EPHA4: variants seen among roughly 807,000 people sequenced by gnomAD.
The protein encoded by EPHA4 is ephrin type-A receptor 4.
EPHA4 carries 19 observed loss-of-function variants against 108.3 expected under a neutral mutation model. The observed-to-expected ratio is 0.18, with a 90% CI of 0.12 to 0.26. The LOEUF is 0.26. Ranked by LOEUF, EPHA4 falls within the 10% of genes least tolerant of loss-of-function variation. The pLI is 1.00. For synonymous variants in EPHA4, 449 were observed against 455.5 expected (o/e 0.99, Z 0.18); for missense variants, 917 against 1,254.0 (o/e 0.73, Z 4.06).
chr2:221,462,641 T>A (rs1691184021), intron 5 of EPHA4, among the ~76,000 whole-genome samples: 2 of 152,190 alleles, frequency 1.3e-5, no homozygotes, highest in Admixed American at 1.3e-4. Flanking sequence ...AAGGACCTTT[T>A]GTGGGGTTGG....
At chr2:221,510,666 T>G (rs571941737) in intron 3 of EPHA4, among the ~76,000 whole-genome samples, 1 of 152,200 alleles carries the variant, frequency 6.6e-6, no homozygotes, top group South Asian at 2.1e-4. Context: ...AGAAGAAACT[T>G]TACATAAAGC....
chr2:221,528,532 A>G (rs765211770), intron 3 of EPHA4, among the ~76,000 whole-genome samples: 16 of 152,182 alleles, frequency 1.1e-4, no homozygotes, highest in Non-Finnish European at 2.2e-4. Flanking sequence ...TCATTATAAT[A>G]TTATTATCTG....
intron 12 of EPHA4, 116 bp from the exon 13 acceptor site, chr2:221,436,724 A>G: frequency 9.2e-7 from 1 of 1,085,320 alleles, no homozygotes; most frequent in Non-Finnish European, 1.4e-6. Flanking sequence ...AATGAAACTC[A>G]ACATTATTTC....
At chr2:221,490,536 T>C (rs992534734) in intron 4 of EPHA4, among the ~76,000 whole-genome samples, 1 of 152,192 alleles carries the variant, frequency 6.6e-6, no homozygotes, top group African/African-American at 2.4e-5. Flanking sequence ...GTCACCTCAC[T>C]AAAATGCTAA....
chr2:221,426,126 C>A lies in EPHA4; in HGVS notation c.2863G>T (p.Gly955Cys). 4 of 1,613,982 alleles carry A rather than the reference C, an allele frequency of 2.5e-6. No homozygotes were observed. The highest frequency in any genetic ancestry group is 1.7e-6 in the Non-Finnish European group (2 of 1,179,948). ...TTCTGGTGCGTGATGGCTGTGATAC[C>A]AATTCTTGCCAGGTCCCTGTACATA... ...HVNQEDLARI[G>C]ITAITHQNKI... Residue 955 changes from glycine to cysteine, a missense_variant, in exon 17 of 18, where the codon GGT (glycine) becomes TGT (cysteine). Coordinates refer to ENST00000281821, the MANE Select transcript of EPHA4 (RefSeq NM_004438.5).
chr2:221,490,284 A>G (rs1475569380), intron 4 of EPHA4, among the ~76,000 whole-genome samples: 1 of 152,012 alleles, frequency 6.6e-6, no homozygotes, highest in Non-Finnish European at 1.5e-5. Context: ...AAAGAAAGAA[A>G]GAAAATCAAG....
chr2:221,499,794 G>A (rs1245066987), intron 4 of EPHA4, among the ~76,000 whole-genome samples: 3 of 86,214 alleles, frequency 3.5e-5, no homozygotes, highest in African/African-American at 8.7e-5. Flanking sequence ...TTTTGCTATT[G>A]TCACCCAGGC....
chr2:221,546,778 T>G (rs1335648051), intron 3 of EPHA4, among the ~76,000 whole-genome samples: 1 of 152,190 alleles, frequency 6.6e-6, no homozygotes, highest in Non-Finnish European at 1.5e-5. Context: ...TATAAAGAAA[T>G]CTTTTGGAAA....
intron 1 of EPHA4, chr2:221,569,343 A>G (rs1037112033): frequency 6.6e-6 from 1 of 152,190 alleles, no homozygotes; most frequent in Non-Finnish European, 1.5e-5. Flanking sequence ...TTTAAATATC[A>G]AAGTTTCAGA....
chr2:221,561,500 A>T (rs1380885789), intron 3 of EPHA4, among the ~76,000 whole-genome samples: 1 of 152,212 alleles, frequency 6.6e-6, no homozygotes, highest in African/African-American at 2.4e-5. Context: ...GAAGTTTCTC[A>T]AAAACGACTC....
chr2:221,564,284 G>A lies in EPHA4; in HGVS notation c.270C>T (p.Thr90=). The stretch of plus-strand genomic sequence containing the variant: ...TATACACCCTCTGAGCCCCTTCTCG[G>A]GTGATCCAATCAGTTCGTAGCCAGT... ...QNNWLRTDWI[T]REGAQRVYIE... The change falls in exon 3 of 18, where the codon ACC becomes ACT. Residue 90 remains threonine, a synonymous_variant. Transcript: ENST00000281821. The A allele has an allele frequency of 6.2e-7, 1 of 1,614,092 alleles. No individual in the cohort carries two copies. Among genetic ancestry groups the A allele is most frequent in the Non-Finnish European group, 8.5e-7 (1 of 1,180,032 alleles).
chr2:221,568,111 C>T (rs1694724186), intron 2 of EPHA4, among the ~76,000 whole-genome samples: 1 of 152,122 alleles, frequency 6.6e-6, no homozygotes, highest in Non-Finnish European at 1.5e-5. Flanking sequence ...CTACTCAATC[C>T]CCAAAGATTC....
chr2:221,513,716 A>G (rs1333639144), intron 3 of EPHA4, among the ~76,000 whole-genome samples: 2 of 152,212 alleles, frequency 1.3e-5, no homozygotes, highest in Admixed American at 1.3e-4. Context: ...AAAGTGTTTT[A>G]TATTTAACAG....
At position 221,572,254 on chromosome 2, in the gene EPHA4, G is replaced by T. The variant is rs1694865854; in HGVS notation, c.-6C>A. 1 of 1,612,824 alleles carries T rather than the reference G, an allele frequency of 6.2e-7. No individual in the cohort carries two copies. Among genetic ancestry groups the T allele is most frequent in the Non-Finnish European group, 8.5e-7 (1 of 1,178,906 alleles). On this transcript the variant is annotated 5_prime_UTR_variant, in exon 1 of 18. Transcript: ENST00000281821. ...AAATAGAAAATCCCAGCCATGGTTC[G>T]CCGGTGCCAACGCTGCTCCTGCCGC...
intron 3 of EPHA4, among the ~76,000 whole-genome samples, chr2:221,541,000 G>T (rs1359957000): frequency 6.8e-6 from 1 of 146,876 alleles, no homozygotes; most frequent in African/African-American, 2.5e-5. Context: ...AGGCTGGAGT[G>T]CAGTGACACA....
chr2:221,480,222 G>A (rs1296798245), intron 5 of EPHA4, among the ~76,000 whole-genome samples: 1 of 152,118 alleles, frequency 6.6e-6, no homozygotes, highest in Non-Finnish European at 1.5e-5. Flanking sequence ...ATCTGTGGGA[G>A]CCAAGCCTGT....
chr2:221,545,547 TC>T (rs1162320286), intron 3 of EPHA4, among the ~76,000 whole-genome samples: 1 of 152,202 alleles, frequency 6.6e-6, no homozygotes, highest in Non-Finnish European at 1.5e-5. Context: ...GTTTATATAT[TC>T]TACTTTCAGC....
chr2:221,456,084 A>G (rs770718204), intron 7 of EPHA4, among the ~76,000 whole-genome samples: 1 of 152,124 alleles, frequency 6.6e-6, no homozygotes, highest in Non-Finnish European at 1.5e-5. Flanking sequence ...GTTCATGGGT[A>G]GACCCCTCTT....
chr2:221,518,617 G>C (rs945303298), intron 3 of EPHA4, among the ~76,000 whole-genome samples: 4 of 152,188 alleles, frequency 2.6e-5, no homozygotes, highest in African/African-American at 9.7e-5. Flanking sequence ...AAGCAACTCA[G>C]ACCACTCCTT....
Sources: allele counts gnomAD v4.1 joint callset (sites outside exome capture counted in the v4.1 genomes callset), GRCh38; gene constraint gnomAD v4.1.1; transcripts MANE v1.5; gene names NCBI Gene and HGNC (gene_info 2026-07-23, HGNC 2026-07-21).